Variants in CABLES1 observed in about 807,000 individuals in gnomAD.
CABLES1 encodes the protein Cdk5 and Abl enzyme substrate 1.
A neutral mutation model predicts 57.8 loss-of-function variants in CABLES1; 36 were observed. The ratio of observed to expected loss-of-function variants is 0.62; its 90% CI spans 0.48 to 0.82. The LOEUF (loss-of-function observed/expected upper bound fraction) is 0.82. Among genes scored for constraint, CABLES1 ranks in the 40% least tolerant of loss-of-function variants. The pLI is 0.00. For missense variants in CABLES1, 767 were observed against 836.6 expected (o/e 0.92, Z 1.03); for synonymous variants, 374 against 363.0 (o/e 1.03, Z -0.35).
intron 1 of CABLES1, among the ~76,000 whole-genome samples, chr18:23,181,496 CAAAAAAAAAAAAAAAAA>C (rs59742943): frequency 9.9e-4 from 35 of 35,400 alleles, no homozygotes; most frequent in Non-Finnish European, 1.3e-3. Flanking sequence ...AGCTTCGTCT[CAAAAAAAAAAAAAAAAA>C]AAAAAAAAAA....
At chr18:23,195,653 T>A (rs1299692913) in intron 3 of CABLES1, among the ~76,000 whole-genome samples, 1 of 152,218 alleles carries the variant, frequency 6.6e-6, no homozygotes, top group Non-Finnish European at 1.5e-5. Context: ...AAATTGAGCT[T>A]TCCAAATGAT....
At position 23,253,752 on chromosome 18, in the gene CABLES1, T is replaced by C; in HGVS notation, c.1577T>C (p.Leu526Pro). 6.2e-7 allele frequency: 1 copy of C among 1,614,158 alleles called. No individual in the cohort carries two copies. ...IRSLKREMRK[L>P]AQEDCGLEEP... Reference sequence around the variant, plus strand: ...AGTCTGAAACGAGAGATGCGGAAGCTTGCGCAGGAGGACTGTGGCCTTGAG... The same window carrying C: ...AGTCTGAAACGAGAGATGCGGAAGCCTGCGCAGGAGGACTGTGGCCTTGAG... Residue 526 changes from leucine (L) to proline (P), a missense_variant, in exon 9 of 10, where the codon CTT becomes CCT. Physicochemically the swap from Leu to Pro is moderately conservative, Grantham distance 98. Transcript: ENST00000256925.
At chr18:23,193,249 T>C (rs1054343745) in intron 2 of CABLES1, among the ~76,000 whole-genome samples, 1 of 151,274 alleles carries the variant, frequency 6.6e-6, no homozygotes, top group African/African-American at 2.4e-5. Flanking sequence ...TGGAGCACAG[T>C]GGCACGATCT....
At chr18:23,182,675 A>G (rs1261448480) in intron 1 of CABLES1, among the ~76,000 whole-genome samples, 2 of 152,226 alleles carry the variant, frequency 1.3e-5, no homozygotes, top group Admixed American at 6.5e-5. Context: ...AAGCAGACTG[A>G]GGCCAAGGGT....
chr18:23,234,512 A>T, intron 4 of CABLES1, 96 bp from the exon 5 acceptor site: 1 of 904,142 alleles, frequency 1.1e-6, no homozygotes, highest in South Asian at 1.5e-5. Context: ...GGTCATTTTC[A>T]TCGGTGTGAC....
chr18:23,160,894 G>A (rs570408062), intron 1 of CABLES1, among the ~76,000 whole-genome samples: 86 of 152,246 alleles, frequency 5.6e-4, no homozygotes, highest in Non-Finnish European at 1.0e-3. Flanking sequence ...TTAGCCAGGC[G>A]TGGTTTCACA....
intron 7 of CABLES1, among the ~76,000 whole-genome samples, chr18:23,246,458 C>G (rs1461073810): frequency 6.6e-6 from 1 of 151,934 alleles, no homozygotes; most frequent in Middle Eastern, 3.2e-3. Flanking sequence ...GTGGCAAGAT[C>G]TTGGCTCACT....
intron 7 of CABLES1, among the ~76,000 whole-genome samples, chr18:23,250,494 A>G (rs1406863569): frequency 6.6e-6 from 1 of 152,180 alleles, no homozygotes; most frequent in Non-Finnish European, 1.5e-5. Flanking sequence ...GTCCCCTTCA[A>G]CCCAGAGATT....
chr18:23,239,267 C>T (rs2047677184), intron 7 of CABLES1, among the ~76,000 whole-genome samples: 2 of 152,202 alleles, frequency 1.3e-5, no homozygotes. Flanking sequence ...TTTTTAATTT[C>T]ACTGCATTGG....
chr18:23,185,249 G>C (rs747384573), intron 1 of CABLES1, among the ~76,000 whole-genome samples: 1 of 152,148 alleles, frequency 6.6e-6, no homozygotes. Context: ...TTTCTAGGGT[G>C]AAACACACTG....
chr18:23,146,126 T>C (rs1433641982), intron 1 of CABLES1, among the ~76,000 whole-genome samples: 1 of 152,236 alleles, frequency 6.6e-6, no homozygotes, highest in Non-Finnish European at 1.5e-5. Context: ...CTTTACTCAT[T>C]GACCAAATTA....
At chr18:23,142,375 G>A (rs545059623) in intron 1 of CABLES1, among the ~76,000 whole-genome samples, 69 of 152,252 alleles carry the variant, frequency 4.5e-4, no homozygotes, top group African/African-American at 1.6e-3. Flanking sequence ...GCCACTGCCT[G>A]GGGAGGCAGT....
intron 1 of CABLES1, among the ~76,000 whole-genome samples, chr18:23,160,472 A>T (rs1598804534): frequency 6.6e-6 from 1 of 152,120 alleles, no homozygotes; most frequent in South Asian, 2.1e-4. Context: ...CAGAGGGTAG[A>T]CCCTGTGTGC....
At chr18:23,227,045 G>C (rs982209541) in intron 4 of CABLES1, 6 of 152,238 alleles carry the variant, frequency 3.9e-5, no homozygotes, top group African/African-American at 1.4e-4. Flanking sequence ...GGTGCCTCTG[G>C]GGGGTGTGTT....
intron 8 of CABLES1, 42 bp from the exon 9 acceptor site, chr18:23,253,687 A>G (rs756403409): frequency 4.5e-6 from 7 of 1,554,062 alleles, no homozygotes; most frequent in Non-Finnish European, 6.2e-6. Flanking sequence ...CTGAAACTCT[A>G]AGTTTTCACA....
intron 7 of CABLES1, among the ~76,000 whole-genome samples, chr18:23,245,462 A>G (rs1330987612): frequency 6.6e-6 from 1 of 150,676 alleles, no homozygotes; most frequent in Non-Finnish European, 1.5e-5. Context: ...AGTGAGTGCC[A>G]CTGTACTCCA....
intron 1 of CABLES1, among the ~76,000 whole-genome samples, chr18:23,162,157 C>A (rs1259542888): frequency 2.5e-5 from 3 of 118,244 alleles, no homozygotes; most frequent in African/African-American, 1.1e-4. Flanking sequence ...AAGCACAAAA[C>A]CCTGTCTCAA....
At chr18:23,220,343 G>A (rs988606663) in intron 4 of CABLES1, among the ~76,000 whole-genome samples, 3 of 152,120 alleles carry the variant, frequency 2.0e-5, no homozygotes, top group African/African-American at 7.2e-5. Context: ...CTTTATATGC[G>A]CTCACTCGTT....
chr18:23,184,345 G>A (rs193291804), intron 1 of CABLES1, among the ~76,000 whole-genome samples: 1 of 150,670 alleles, frequency 6.6e-6, no homozygotes, highest in African/African-American at 2.5e-5. Flanking sequence ...GTGTGTGTAG[G>A]TCCGTCTGAG....
Sources: gnomAD v4.1 joint callset for allele counts (sites outside exome capture counted in the v4.1 genomes callset) on GRCh38, gnomAD v4.1.1 for gene constraint, MANE v1.5 for transcripts, NCBI Gene and HGNC (gene_info 2026-07-23, HGNC 2026-07-21) for gene names.